Variants in SLC2A14 observed in about 807,000 individuals in gnomAD.
The protein encoded by SLC2A14 is solute carrier family 2 member 14.
SLC2A14 carries 13 observed loss-of-function variants against 43.0 expected under a neutral mutation model. The observed-to-expected ratio is 0.30, with a 90% confidence interval of 0.20 to 0.48. SLC2A14 has a LOEUF of 0.48. Ranked by LOEUF, SLC2A14 falls within the 20% of genes least tolerant of loss-of-function variation. SLC2A14 has a pLI of 0.99. For synonymous variants in SLC2A14, 190 were observed against 233.8 expected (o/e 0.81, Z 1.71); for missense variants, 428 against 620.4 (o/e 0.69, Z 3.29).
At chr12:7,884,681 C>A (rs1215691189) in intron 1 of SLC2A14, among the ~76,000 whole-genome samples, 1 of 152,154 alleles carries the variant, frequency 6.6e-6, no homozygotes, top group South Asian at 2.1e-4. Context: ...CCCACATGTT[C>A]TTCCTCCTTC....
intron 2 of SLC2A14, among the ~76,000 whole-genome samples, chr12:7,849,816 A>T (rs993612124): frequency 1.3e-5 from 2 of 151,102 alleles, no homozygotes; most frequent in Non-Finnish European, 3.0e-5. Context: ...GAGGCAGGAG[A>T]ATCGCTTGAA....
intron 2 of SLC2A14, among the ~76,000 whole-genome samples, chr12:7,851,123 G>T (rs749462685): frequency 1.3e-4 from 20 of 152,284 alleles, no homozygotes; most frequent in African/African-American, 4.6e-4. Context: ...TTGGAAGTTA[G>T]AAAACGTAAG....
At chr12:7,866,220 G>A (rs1235872726) in intron 2 of SLC2A14, among the ~76,000 whole-genome samples, 1 of 103,500 alleles carries the variant, frequency 9.7e-6, no homozygotes, top group East Asian at 2.8e-4. Flanking sequence ...CCAAGACTCT[G>A]TCTCAAAAAA....
upstream of SLC2A14, chr12:7,873,593 C>G (rs756655891): frequency 6.5e-6 from 1 of 153,280 alleles, no homozygotes; most frequent in South Asian, 2.1e-4. Flanking sequence ...GTGAGCTGAA[C>G]TCCGCCATTG....
chr12:7,815,898 T>G (rs1181268108), intron 10 of SLC2A14, among the ~76,000 whole-genome samples: 25 of 150,622 alleles, frequency 1.7e-4, no homozygotes, highest in African/African-American at 2.2e-4. Flanking sequence ...TTTTGTTTTT[T>G]TGTTTTTGTT....
At chr12:7,874,758 T>C (rs1476174440), upstream of SLC2A14, among the ~76,000 whole-genome samples, 34 of 53,768 alleles carry the variant, frequency 6.3e-4, no homozygotes, top group South Asian at 6.1e-3. Context: ...TAAATATTTA[T>C]ATAACTATAT....
chr12:7,825,255 G>GATTGAGACTATC (rs879631149), intron 7 of SLC2A14, among the ~76,000 whole-genome samples: 5 of 142,786 alleles, frequency 3.5e-5, no homozygotes, highest in South Asian at 2.3e-4. Flanking sequence ...GAAGCCAGGA[G>GATTGAGACTATC]TTCAAGACCA....
chr12:7,837,115 C>T (rs1865524424), intron 2 of SLC2A14, among the ~76,000 whole-genome samples: 1 of 149,516 alleles, frequency 6.7e-6, no homozygotes, highest in Non-Finnish European at 1.5e-5. Flanking sequence ...TACAGTGAGC[C>T]AAAATCACGC....
At chr12:7,864,241 A>G (rs1944783088) in intron 2 of SLC2A14, among the ~76,000 whole-genome samples, 1 of 152,034 alleles carries the variant, frequency 6.6e-6, no homozygotes, top group African/African-American at 2.4e-5. Context: ...TTTTCACCAT[A>G]TACATGGGGC....
upstream of SLC2A14, among the ~76,000 whole-genome samples, chr12:7,874,799 A>ATGTATTTATATAAAAATT (rs200733431): frequency 6.0e-5 from 6 of 100,316 alleles, no homozygotes; most frequent in African/African-American, 2.7e-4. Flanking sequence ...ATATATAAAT[A>ATGTATTTATATAAAAATT]ATATATAAAT....
chr12:7,841,682 T>C (rs1032498222), intron 2 of SLC2A14, among the ~76,000 whole-genome samples: 15 of 152,188 alleles, frequency 9.9e-5, no homozygotes, highest in Non-Finnish European at 2.1e-4. Context: ...AAATGTATGA[T>C]ATCATACGGA....
At chr12:7,876,157 T>C (rs1400942397), upstream of SLC2A14, among the ~76,000 whole-genome samples, 1 of 151,276 alleles carries the variant, frequency 6.6e-6, no homozygotes, top group East Asian at 1.9e-4. Context: ...GGCACATGCC[T>C]GTAGTCCCAG....
upstream of SLC2A14, among the ~76,000 whole-genome samples, chr12:7,875,696 G>A (rs1945452557): frequency 6.6e-6 from 1 of 151,986 alleles, no homozygotes; most frequent in Admixed American, 6.6e-5. Context: ...ACCAGGGCCA[G>A]GCTCAGTGGC....
intron 10 of SLC2A14, among the ~76,000 whole-genome samples, chr12:7,817,277 G>A (rs1007358799): frequency 3.9e-5 from 6 of 151,992 alleles, no homozygotes; most frequent in East Asian, 2.0e-4. Flanking sequence ...CACCATGCCC[G>A]GCTAATTTTG....
chr12:7,873,148 C>G (rs1013543730), upstream of SLC2A14: 49 of 985,602 alleles, frequency 5.0e-5, 1 homozygote, highest in African/African-American at 3.5e-5. Flanking sequence ...CAGGCGTCTT[C>G]CTGCGACCGG....
rs1446152459 is a variant in SLC2A14 at position 7,829,617 on chromosome 12, T to C, written c.513+149A>G. 14 of 1,211,132 alleles carry C rather than the reference T, an allele frequency of 1.2e-5. 1 individual carries two copies. Among genetic ancestry groups the C allele is most frequent in the Non-Finnish European group, 1.5e-5 (13 of 878,958 alleles). The allele number at this position is 1,211,132 out of a possible 1,614,324, so 75.0% of individuals were successfully genotyped here. Reference sequence around the variant, plus strand: ...ATTGTGCTTCTTTTCCTTTCTCTACTCAACCTGCTTCTTCAGCTACTATCT... The same window carrying C: ...ATTGTGCTTCTTTTCCTTTCTCTACCCAACCTGCTTCTTCAGCTACTATCT... On this transcript the variant is annotated intron_variant, in intron 5 of 10. Transcript: ENST00000431042.
At chr12:7,886,555 G>C (rs745629443) in intron 1 of SLC2A14, among the ~76,000 whole-genome samples, 1 of 152,010 alleles carries the variant, frequency 6.6e-6, no homozygotes, top group African/African-American at 2.4e-5. Context: ...GGTAAAATAG[G>C]CAAAATAGTG....
At chr12:7,882,811 T>G (rs1945610640) in intron 1 of SLC2A14, among the ~76,000 whole-genome samples, 1 of 151,972 alleles carries the variant, frequency 6.6e-6, no homozygotes, top group Non-Finnish European at 1.5e-5. Context: ...TAGTCCAGCC[T>G]GGGTGATGAG....
intron 2 of SLC2A14, among the ~76,000 whole-genome samples, chr12:7,864,226 C>G (rs1400970222): frequency 6.6e-6 from 1 of 152,100 alleles, no homozygotes; most frequent in African/African-American, 2.4e-5. Flanking sequence ...TGAATGTAGC[C>G]TATCTTTTCA....
Sources: gnomAD v4.1 joint callset for allele counts (sites outside exome capture counted in the v4.1 genomes callset) on GRCh38, gnomAD v4.1.1 for gene constraint, MANE v1.5 for transcripts, NCBI Gene and HGNC (gene_info 2026-07-23, HGNC 2026-07-21) for gene names.